Variants in PHC2 observed in about 807,000 individuals in gnomAD.
PHC2 encodes polyhomeotic homolog 2.
In PHC2, 29 loss-of-function variants were observed where a neutral mutation model predicts 87.4. The observed-to-expected ratio is 0.33, with a 90% CI of 0.25 to 0.45. The LOEUF (loss-of-function observed/expected upper bound fraction) is 0.45. Among genes scored for constraint, PHC2 ranks in the 20% least tolerant of loss-of-function variants. PHC2 has a pLI of 1.00. For synonymous variants in PHC2, 438 were observed against 461.7 expected (o/e 0.95, Z 0.66); for missense variants, 857 against 1,136.7 (o/e 0.75, Z 3.54).
rs1359265418 is a variant in PHC2 at position 33,349,189 on chromosome 1, C to G, written c.1558+5212G>C. 1.0e-6 allele frequency: 1 copy of G among 985,356 alleles called. No homozygotes were observed. The highest frequency in any genetic ancestry group is 1.7e-5 in the African/African-American group (1 of 57,250). 61.0% of individuals were successfully genotyped at this position (985,356 alleles called of 1,614,324 possible). A position where few individuals can be genotyped will look rare whatever the true frequency, so the allele number is the denominator to read the frequency against. On this transcript the variant is annotated intron_variant, in intron 9 of 14. Coordinates refer to ENST00000683057, the MANE Select transcript of PHC2 (RefSeq NM_001385109.1). This position sits in a 1 kb window ranked among gnomAD's most constrained non-coding sequence, Gnocchi z 4.2. ...TAAAAACAAAACTCTCCAGCGAAGC[C>G]GCAGGCGCCTCCAAGATAGGGAGTC... is the stretch of plus-strand genomic sequence containing the variant.
intron 9 of PHC2, chr1:33,350,357 A>C (rs1646946672): frequency 6.6e-6 from 1 of 152,186 alleles, no homozygotes; most frequent in Non-Finnish European, 1.5e-5. Context: ...CCCCGGTCAC[A>C]CCTCCGTGAG....
chr1:33,402,707 G>A (rs527874342), intron 1 of PHC2, among the ~76,000 whole-genome samples: 53 of 152,202 alleles, frequency 3.5e-4, no homozygotes, highest in African/African-American at 1.2e-3. Flanking sequence ...AATGAATACA[G>A]TATAATTCCA....
intron 1 of PHC2, among the ~76,000 whole-genome samples, chr1:33,398,381 C>T (rs565819294): frequency 6.6e-6 from 1 of 152,298 alleles, no homozygotes; most frequent in South Asian, 2.1e-4. Flanking sequence ...TGGCACTAAG[C>T]TTGTTACAAA....
At chr1:33,379,509 AC>A (rs1459384480) in intron 1 of PHC2, among the ~76,000 whole-genome samples, 1 of 80,204 alleles carries the variant, frequency 1.2e-5, no homozygotes, top group African/African-American at 5.3e-5. Flanking sequence ...ACCACCCCCA[AC>A]CACCCGTGTC....
intron 1 of PHC2, 126 bp from the exon 2 acceptor site, chr1:33,375,719 T>A: frequency 3.5e-6 from 2 of 571,662 alleles, no homozygotes; most frequent in Non-Finnish European, 5.9e-6. Context: ...TCAAAAATAT[T>A]CAAAAAATAC....
In PHC2 at chr1:33,412,028, T is replaced by C. The variant is rs528951979; in HGVS notation, c.-55+18948A>G. Among the ~76,000 whole-genome samples the C allele has an allele frequency of 3.0e-4, 46 of 152,234 alleles. 1 individual carries two copies. The Middle Eastern group carries it at 0.014, about 45-fold the overall frequency. On this transcript the variant is annotated intron_variant, in intron 1 of 14. Transcript: ENST00000683057. ...TTATTAAGGGAAAGATTGAATGCTT[T>C]CCCCCTAAGATTGAGAATGGCCATT...
chr1:33,374,911 G>A (rs531701910), intron 2 of PHC2, among the ~76,000 whole-genome samples: 54 of 152,334 alleles, frequency 3.5e-4, no homozygotes, highest in African/African-American at 1.3e-3. Context: ...CTGCATTTAG[G>A]AGCAGTGAGC....
chr1:33,419,157 TAA>T (rs1344052511), intron 1 of PHC2, among the ~76,000 whole-genome samples: 1 of 152,264 alleles, frequency 6.6e-6, no homozygotes. Flanking sequence ...TGGCACATAG[TAA>T]AGACTACATA....
At position 33,326,576 on chromosome 1, in the gene PHC2, G is replaced by C. The variant is rs1208670330; in HGVS notation, c.2426-1557C>G. Among the ~76,000 whole-genome samples the C allele has an allele frequency of 4.6e-5, 7 of 152,142 alleles. No homozygotes were observed. In the East Asian group the frequency reaches 1.3e-3, roughly 29 times the overall value. On this transcript the variant is annotated intron_variant, in intron 14 of 14. Transcript: ENST00000683057. ...TACCCTTGAAGATAATTCTGGGTGT[G>C]GTTTTTGTCTAATGGAATGGACCCC...
chr1:33,395,681 C>A (rs1489043447), intron 1 of PHC2, among the ~76,000 whole-genome samples: 1 of 152,112 alleles, frequency 6.6e-6, no homozygotes, highest in Non-Finnish European at 1.5e-5. Context: ...TCACTGTATA[C>A]TTATTTCAAC....
chr1:33,408,100 T>A (rs1649835677), intron 1 of PHC2, among the ~76,000 whole-genome samples: 1 of 152,232 alleles, frequency 6.6e-6, no homozygotes, highest in African/African-American at 2.4e-5. Context: ...TAAGAAAATT[T>A]AAAAAATTTA....
At chr1:33,423,554 T>C (rs922915742) in intron 1 of PHC2, among the ~76,000 whole-genome samples, 4 of 152,194 alleles carry the variant, frequency 2.6e-5, no homozygotes, top group African/African-American at 7.2e-5. Context: ...GAATTAGTTT[T>C]TTCTCAGGAG....
chr1:33,426,492 G>A (rs1650676750), intron 1 of PHC2, among the ~76,000 whole-genome samples: 1 of 152,146 alleles, frequency 6.6e-6, no homozygotes, highest in Non-Finnish European at 1.5e-5. Flanking sequence ...ACTACAAAAG[G>A]AATAGAAATG....
At chr1:33,340,858 TTTACTGTGAATTACTC>T (rs993159463) in intron 9 of PHC2, among the ~76,000 whole-genome samples, 8 of 151,040 alleles carry the variant, frequency 5.3e-5, no homozygotes, top group African/African-American at 2.0e-4. Flanking sequence ...TCATTCACAC[TTTACTGTGAATTACTC>T]GACTCAGATA....
intron 6 of PHC2, among the ~76,000 whole-genome samples, chr1:33,367,682 C>T (rs1647558962): frequency 6.6e-6 from 1 of 152,148 alleles, no homozygotes; most frequent in Admixed American, 6.5e-5. Flanking sequence ...TGCTGCCCAG[C>T]TGGGCGGGCA....
chr1:33,409,979 T>C (rs1364121219), intron 1 of PHC2, among the ~76,000 whole-genome samples: 1 of 152,224 alleles, frequency 6.6e-6, no homozygotes, highest in Non-Finnish European at 1.5e-5. Flanking sequence ...AATGACCTCA[T>C]GTATTTTCTC....
intron 1 of PHC2, among the ~76,000 whole-genome samples, chr1:33,404,830 G>T (rs1649686865): frequency 1.3e-5 from 2 of 152,198 alleles, no homozygotes; most frequent in South Asian, 4.1e-4. Context: ...CTCTTAGATT[G>T]AGTGGTCAGG....
intron 9 of PHC2, among the ~76,000 whole-genome samples, chr1:33,348,457 A>G (rs1250571049): frequency 6.6e-6 from 1 of 152,262 alleles, no homozygotes. Context: ...GTTATGCTCC[A>G]GAGCCAAATG....
In PHC2 at chr1:33,369,164, A is replaced by G. The variant is rs1647667204; in HGVS notation, c.577-542T>C. On this transcript the variant is annotated intron_variant, in intron 5 of 14. Transcript: ENST00000683057. This position sits in a 1 kb window ranked among gnomAD's most constrained non-coding sequence, Gnocchi z 4.7. ...GTTAGATTCAGAGGGGCCTAGAGACAACAACAGCAGAGGAAGCGGACCGCC... is the reference window on the plus strand; with the variant it reads ...GTTAGATTCAGAGGGGCCTAGAGACGACAACAGCAGAGGAAGCGGACCGCC... Among the ~76,000 whole-genome samples, 1 of 152,184 alleles carries G rather than the reference A, an allele frequency of 6.6e-6. No homozygotes were observed. Among genetic ancestry groups the G allele is most frequent in the South Asian group, 2.1e-4 (1 of 4,834 alleles).
Sources: allele counts gnomAD v4.1 joint callset (sites outside exome capture counted in the v4.1 genomes callset), GRCh38; gene constraint gnomAD v4.1.1; non-coding constraint Gnocchi (gnomAD v3.1); transcripts MANE v1.5; gene names NCBI Gene and HGNC (gene_info 2026-07-23, HGNC 2026-07-21).